Variants in REXO2 observed in about 807,000 individuals in gnomAD.
REXO2 encodes the protein RNA exonuclease 2.
REXO2 carries 17 observed loss-of-function variants against 30.9 expected under a neutral mutation model. That is an observed-to-expected ratio of 0.55 (90% confidence interval 0.38 to 0.82). The LOEUF (loss-of-function observed/expected upper bound fraction) is 0.82. REXO2 is among the 40% of genes least tolerant of loss of function. The probability of loss-of-function intolerance (pLI) is 0.00; values close to 1 mark genes in which losing one functional copy is unlikely to be tolerated. For missense variants in REXO2, 253 were observed against 293.2 expected (o/e 0.86, Z 1.00); for synonymous variants, 105 against 99.6 (o/e 1.05, Z -0.32).
chr11:114,446,268 A>C, intron 5 of REXO2, 181 bp downstream of exon 5: 1 of 403,952 alleles, frequency 2.5e-6, no homozygotes, highest in Non-Finnish European at 4.4e-6. Context: ...AATTGGGAGC[A>C]ACAACGTCAG....
chr11:114,440,595 T>C (rs1946469973), intron 1 of REXO2, 61 bp from the exon 2 acceptor site: 2 of 1,251,658 alleles, frequency 1.6e-6, no homozygotes, highest in Non-Finnish European at 2.3e-6. Context: ...TTAAATAAAC[T>C]TGGGTAAAAG....
chr11:114,446,994 T>A (rs920563996), intron 5 of REXO2, among the ~76,000 whole-genome samples: 4 of 146,426 alleles, frequency 2.7e-5, no homozygotes, highest in South Asian at 2.2e-4. Context: ...GCGGGAGTGC[T>A]GTGGCGCGAT....
chr11:114,448,191 T>G (rs1194397561), intron 6 of REXO2, among the ~76,000 whole-genome samples: 1 of 152,214 alleles, frequency 6.6e-6, no homozygotes, highest in East Asian at 1.9e-4. Flanking sequence ...GATATGGACT[T>G]GCAGCCTTTT....
chr11:114,440,160 TGA>T (rs1420697489), intron 1 of REXO2: 5 of 461,812 alleles, frequency 1.1e-5, no homozygotes, highest in Non-Finnish European at 1.7e-5. Context: ...GTGCTGTTAG[TGA>T]GAGTCTGAGT....
At position 114,443,907 on chromosome 11, in the gene REXO2, G is replaced by T. The variant is rs772022921; in HGVS notation, c.283G>T (p.Asp95Tyr). Residue 95 changes from aspartate to tyrosine, a missense_variant, in exon 3 of 7, where the codon GAT (aspartate) becomes TAT (tyrosine). Transcript: ENST00000265881. ...AGATGAGTTGCTGGACAGCATGTCA[G>T]ATTGGTGTAAGGAGCATCACGGGAA... The part of the protein sequence containing the change: ...QPDELLDSMS[D>Y]WCKEHHGKSG... 2 of 1,609,250 alleles carry T rather than the reference G, an allele frequency of 1.2e-6. No individual in the cohort carries two copies. The highest frequency in any genetic ancestry group is 1.7e-5 in the Admixed American group (1 of 59,398).
At chr11:114,441,180 T>G (rs1946475558) in intron 2 of REXO2, among the ~76,000 whole-genome samples, 1 of 152,170 alleles carries the variant, frequency 6.6e-6, no homozygotes, top group Admixed American at 6.5e-5. Flanking sequence ...GCCAAGAGTT[T>G]AACTCAGGCT....
chr11:114,446,139 T>C (rs770401658), intron 5 of REXO2, 52 bp downstream of exon 5: 1 of 1,051,710 alleles, frequency 9.5e-7, no homozygotes, highest in Non-Finnish European at 1.4e-6. Context: ...CATGTTTTAA[T>C]TGAGAATTTG....
intron 6 of REXO2, 49 bp from the exon 7 acceptor site, chr11:114,449,797 C>A: frequency 6.5e-7 from 1 of 1,543,078 alleles, no homozygotes. Context: ...AAATGATTTT[C>A]ATCTCCTGGT....
intron 2 of REXO2, among the ~76,000 whole-genome samples, chr11:114,442,159 TA>T (rs56827315): frequency 0.022 from 2,972 of 134,396 alleles, 20 homozygotes; most frequent in African/African-American, 0.039. Flanking sequence ...ATAAAGATGT[TA>T]AAAAAAAAAA....
In REXO2 at chr11:114,444,646, CT is replaced by C; in HGVS notation, c.417del (p.Ala140GlnfsTer20). The C allele has an allele frequency of 6.3e-7, 1 of 1,575,348 alleles. No homozygotes were observed. Among genetic ancestry groups the C allele is most frequent in the Non-Finnish European group, 8.6e-7 (1 of 1,163,508 alleles). On this transcript the variant is annotated frameshift_variant, in exon 4 of 7. Transcript: ENST00000265881. LOFTEE classifies it high-confidence loss of function. ...GCAGACTCCTCCAGGGCTCTGTCCA[CT>C]TGCAGGTAAAATCCAATCCTGTGTA... is the stretch of plus-strand genomic sequence containing the variant. ...RQQTPPGLCPLAGNSVHEDKK... is the reference protein window; with the variant it reads ...RQQTPPGLCPXAGNSVHEDKK...
rs555507765 is a variant in REXO2, at chr11:114,441,212, C to T, written c.231+473C>T. 6.8e-4 allele frequency among the ~76,000 whole-genome samples: 103 copies of T among 152,206 alleles called. 2 individuals carry two copies. In the South Asian group the frequency reaches 0.021, roughly 31 times the overall value. On this transcript the variant is annotated intron_variant, in intron 2 of 6. Coordinates refer to ENST00000265881, the MANE Select transcript of REXO2 (RefSeq NM_015523.4). ...GGCTGTCTCAGTAAGGTGCTCCTAACAAGTAGGACAGCCAGCTGTCCTCCC... is the reference window on the plus strand; with the variant it reads ...GGCTGTCTCAGTAAGGTGCTCCTAATAAGTAGGACAGCCAGCTGTCCTCCC...
rs556292283 is a variant in REXO2 at position 114,450,003 on chromosome 11, G to A, written c.*28G>A. The A allele has an allele frequency of 7.1e-6, 11 of 1,559,294 alleles. No homozygotes were observed. The highest frequency in any genetic ancestry group is 1.7e-4 in the Middle Eastern group (1 of 5,852). On this transcript the variant is annotated 3_prime_UTR_variant, in exon 7 of 7. Coordinates refer to ENST00000265881, the MANE Select transcript of REXO2 (RefSeq NM_015523.4). ...CCAGTTATCATGCTGCCACTACATC[G>A]TTATCTGGAGGCAACTTCTGGTGGT... is the stretch of plus-strand genomic sequence containing the variant.
In REXO2 at chr11:114,439,549, C is replaced by T; in HGVS notation, c.21C>T (p.Gly7=). 1.2e-5 allele frequency: 19 copies of T among 1,608,604 alleles called. No individual in the cohort carries two copies. Among genetic ancestry groups the T allele is most frequent in the Non-Finnish European group, 1.6e-5 (19 of 1,179,516 alleles). The change falls in exon 1 of 7, where the codon GGC becomes GGT. Residue 7 remains glycine (G), a synonymous_variant. Coordinates refer to ENST00000265881, the MANE Select transcript of REXO2 (RefSeq NM_015523.4). Reference sequence around the variant, plus strand: ...GGGTGATGCTAGGCGGCTCCCTGGGCTCCAGGCTGTTGCGGGGTGTAGGTG... The same window carrying T: ...GGGTGATGCTAGGCGGCTCCCTGGGTTCCAGGCTGTTGCGGGGTGTAGGTG... MLGGSL[G]SRLLRGVGGS...
chr11:114,439,505 G>C lies in REXO2; in HGVS notation c.-24G>C, dbSNP rs934301423. 3.7e-6 allele frequency: 6 copies of C among 1,601,008 alleles called. No individual in the cohort carries two copies. In the Admixed American group the frequency reaches 5.0e-5, roughly 13 times the overall value. ...GCGCCAGCGCCGGCTGCGAGACTGG[G>C]GCCGTGGCTGCTGGTCCCGGGTGAT... On this transcript the variant is annotated 5_prime_UTR_variant, in exon 1 of 7. Transcript: ENST00000265881.
intron 6 of REXO2, chr11:114,449,081 A>G (rs2134788728): frequency 6.6e-6 from 1 of 152,372 alleles, no homozygotes; most frequent in African/African-American, 2.4e-5. Flanking sequence ...ATTTACTTGC[A>G]CACTGTTCTA....
chr11:114,442,373 A>G (rs564841028), intron 2 of REXO2, among the ~76,000 whole-genome samples: 3 of 152,092 alleles, frequency 2.0e-5, no homozygotes, highest in South Asian at 4.1e-4. Context: ...TTTTAATAGT[A>G]TGAGTATTTT....
At chr11:114,447,986 A>G in intron 6 of REXO2, 107 bp downstream of exon 6, 1 of 843,818 alleles carries the variant, frequency 1.2e-6, no homozygotes, top group Non-Finnish European at 1.9e-6. Context: ...CGGGGAAAAG[A>G]TAAAGTTCAA....
intron 2 of REXO2, chr11:114,440,940 A>G (rs931962413): frequency 4.6e-6 from 2 of 434,404 alleles, no homozygotes; most frequent in African/African-American, 2.0e-5. Flanking sequence ...ATTAAACATT[A>G]TTTTTTAATT....
Position 114,450,138 on chromosome 11 carries a change from T to C in REXO2, c.*163T>C. The C allele has an allele frequency of 1.7e-6, 1 of 594,470 alleles. No homozygotes were observed. Among genetic ancestry groups the C allele is most frequent in the Non-Finnish European group, 2.7e-6 (1 of 364,180 alleles). 36.8% of individuals were successfully genotyped at this position (594,470 alleles called of 1,614,324 possible). On this transcript the variant is annotated 3_prime_UTR_variant, in exon 7 of 7. Coordinates refer to ENST00000265881, the MANE Select transcript of REXO2 (RefSeq NM_015523.4). ...AAATACTATTTTTCTCCTAATATGC[T>C]GTTTCCATTATGACACAGCAGCTCC...
Sources: gnomAD v4.1 joint callset for allele counts (sites outside exome capture counted in the v4.1 genomes callset) on GRCh38, gnomAD v4.1.1 for gene constraint, MANE v1.5 for transcripts, NCBI Gene and HGNC (gene_info 2026-07-23, HGNC 2026-07-21) for gene names.